Variants in GAN observed in about 807,000 individuals in gnomAD.
The protein encoded by GAN is epididymis secretory sperm binding protein.
A neutral mutation model predicts 71.3 loss-of-function variants in GAN; 48 were observed. The ratio of observed to expected loss-of-function variants is 0.67; its 90% CI spans 0.53 to 0.86. The LOEUF is 0.86. Among genes scored for constraint, GAN ranks in the 40% least tolerant of loss-of-function variants. The probability of loss-of-function intolerance (pLI) is 0.00; values close to 1 mark genes in which losing one functional copy is unlikely to be tolerated. For synonymous variants in GAN, 386 were observed against 276.8 expected, an observed-to-expected ratio of 1.39 and a Z score of -3.92; for missense variants, 928 against 770.1, an observed-to-expected ratio of 1.21 and a Z score of -2.43.
At chr16:81,360,036 TGG>T (rs1236881834) in intron 5 of GAN, among the ~76,000 whole-genome samples, 11 of 131,408 alleles carry the variant, frequency 8.4e-5, no homozygotes, top group Admixed American at 4.8e-4. Flanking sequence ...GATGGATGGA[TGG>T]ATGGATGGAT....
intron 4 of GAN, among the ~76,000 whole-genome samples, 171 bp from the exon 5 acceptor site, chr16:81,357,639 G>A (rs887723708): frequency 1.1e-4 from 16 of 152,170 alleles, no homozygotes; most frequent in African/African-American, 3.6e-4. Flanking sequence ...GGATGGCTGG[G>A]TCAAATGGCA....
chr16:81,361,856 G>A (rs938329338), intron 5 of GAN, among the ~76,000 whole-genome samples: 4 of 152,014 alleles, frequency 2.6e-5, no homozygotes, highest in Admixed American at 6.6e-5. Flanking sequence ...CACAATGCCC[G>A]GCTAATTTCA....
In GAN at chr16:81,389,161, A is replaced by G. The variant is rs956426815; in HGVS notation, c.*11565A>G. 4.2e-4 allele frequency: 64 copies of G among 152,362 alleles called. No individual in the cohort carries two copies. Among genetic ancestry groups the G allele is most frequent in the African/African-American group, 1.4e-3 (59 of 41,588 alleles). The allele number at this position is 152,362 out of a possible 1,614,324, so 9.4% of individuals were successfully genotyped here. On this transcript the variant is annotated 3_prime_UTR_variant, in exon 11 of 11. Transcript: ENST00000648994. ...AAATTGTGTGTTGGGAAATGTATCA[A>G]GTGACCTTCAGTTAAGAAAAGCACA...
At chr16:81,356,488 C>G (rs1027240628) in intron 3 of GAN, among the ~76,000 whole-genome samples, 3 of 152,134 alleles carry the variant, frequency 2.0e-5, no homozygotes, top group African/African-American at 7.2e-5. Context: ...CTTTTCCTGT[C>G]TTTTCCTATT....
chr16:81,337,312 C>T (rs1909796370), intron 1 of GAN, among the ~76,000 whole-genome samples: 1 of 152,134 alleles, frequency 6.6e-6, no homozygotes, highest in African/African-American at 2.4e-5. Context: ...ATGAGTAATG[C>T]CCATGAATCA....
intron 1 of GAN, among the ~76,000 whole-genome samples, chr16:81,334,755 G>A (rs1909699154): frequency 1.3e-5 from 2 of 152,184 alleles, no homozygotes; most frequent in South Asian, 4.1e-4. Context: ...CAACCACTCA[G>A]CCGGTTCATG....
At chr16:81,355,893 T>C (rs1910469562) in intron 3 of GAN, among the ~76,000 whole-genome samples, 2 of 152,226 alleles carry the variant, frequency 1.3e-5, no homozygotes, top group Non-Finnish European at 2.9e-5. Context: ...TTTGTAGTAT[T>C]GGTTTTAATT....
intron 1 of GAN, among the ~76,000 whole-genome samples, chr16:81,328,040 A>G (rs576950851): frequency 6.6e-6 from 1 of 152,364 alleles, no homozygotes; most frequent in South Asian, 2.1e-4. Flanking sequence ...TTGCTGCGTC[A>G]TCGTTTTAAT....
chr16:81,376,784 G>A (rs1394785930), intron 9 of GAN, among the ~76,000 whole-genome samples: 1 of 152,084 alleles, frequency 6.6e-6, no homozygotes, highest in Non-Finnish European at 1.5e-5. Flanking sequence ...AGGCTGGGGT[G>A]GGAGGATCAC....
chr16:81,348,715 T>A (rs1242740680), intron 1 of GAN, among the ~76,000 whole-genome samples: 1 of 152,238 alleles, frequency 6.6e-6, no homozygotes, highest in Non-Finnish European at 1.5e-5. Context: ...TGCAGGAAGC[T>A]CAGAGCCCTA....
rs538030597 is a variant in GAN, at chr16:81,350,724, G to A, written c.168-859G>A. ...AGTAGAGATGGGGTTTCACCATGTT[G>A]GCCAGGCTGGCCTCGAACTCCTGGC... On this transcript the variant is annotated intron_variant, in intron 1 of 10. Coordinates refer to ENST00000648994, the MANE Select transcript of GAN (RefSeq NM_022041.4). Among the ~76,000 whole-genome samples, 73 of 152,206 alleles carry A rather than the reference G, an allele frequency of 4.8e-4. No individual in the cohort carries two copies. The Middle Eastern group carries it at 0.017, about 35-fold the overall frequency.
chr16:81,343,902 TAAAC>T lies in GAN; in HGVS notation c.168-7678_168-7675del, dbSNP rs574226763. ...TCAGCCCAAAATCTTCTTAAGCTGA[TAAAC>T]AACTTCAGCAAAGTCTCAGGATAGA... On this transcript the variant is annotated intron_variant, in intron 1 of 10. Coordinates refer to ENST00000648994, the MANE Select transcript of GAN (RefSeq NM_022041.4). Among the ~76,000 whole-genome samples the T allele has an allele frequency of 2.2e-4, 33 of 152,304 alleles. No individual in the cohort carries two copies. The East Asian group carries it at 5.6e-3, about 26-fold the overall frequency.
intron 1 of GAN, among the ~76,000 whole-genome samples, chr16:81,330,596 G>A (rs1323464856): frequency 2.0e-5 from 3 of 152,210 alleles, no homozygotes; most frequent in African/African-American, 4.8e-5. Flanking sequence ...ATTTCAATTC[G>A]TATATGTAGA....
At chr16:81,351,168 C>A (rs1338700399) in intron 1 of GAN, among the ~76,000 whole-genome samples, 3 of 152,194 alleles carry the variant, frequency 2.0e-5, no homozygotes, top group African/African-American at 7.2e-5. Flanking sequence ...TGGGGAAGAC[C>A]ATCTGGTTAG....
At chr16:81,372,064 C>T (rs1911052047) in intron 9 of GAN, 1 of 152,296 alleles carries the variant, frequency 6.6e-6, no homozygotes, top group African/African-American at 2.4e-5. Context: ...TCCTCTATAG[C>T]TCTCTTCCTC....
In GAN at chr16:81,387,070, A is replaced by G. The variant is rs1290424367; in HGVS notation, c.*9474A>G. The G allele has an allele frequency of 1.3e-5, 2 of 152,254 alleles. No individual in the cohort carries two copies. Among genetic ancestry groups the G allele is most frequent in the Non-Finnish European group, 2.9e-5 (2 of 68,050 alleles). The allele number at this position is 152,254 out of a possible 1,614,324, so 9.4% of individuals were successfully genotyped here. On this transcript the variant is annotated 3_prime_UTR_variant, in exon 11 of 11. Transcript: ENST00000648994. ...TTGGCAAGATCACTTAAGGTGAGCT[A>G]CTCTAGCAGCATCCTGTTTGACATT...
intron 1 of GAN, among the ~76,000 whole-genome samples, chr16:81,331,026 A>C (rs577295585): frequency 6.6e-6 from 1 of 152,254 alleles, no homozygotes; most frequent in African/African-American, 2.4e-5. Flanking sequence ...GTACCATAGC[A>C]AGATCCCATC....
rs762695475 is a variant in GAN, at chr16:81,381,418, A to G, written c.*3822A>G. 2.0e-5 allele frequency: 3 copies of G among 152,238 alleles called. No individual in the cohort carries two copies. The highest frequency in any genetic ancestry group is 4.4e-5 in the Non-Finnish European group (3 of 68,058). 9.4% of individuals were successfully genotyped at this position (152,238 alleles called of 1,614,324 possible). A position where few individuals can be genotyped will look rare whatever the true frequency, so the allele number is the denominator to read the frequency against. On this transcript the variant is annotated 3_prime_UTR_variant, in exon 11 of 11. Coordinates refer to ENST00000648994, the MANE Select transcript of GAN (RefSeq NM_022041.4). ...GCGCTTTGACTGTATCAATTTAAAGATGCCGGAACCCCGTTAAAAACACCT... is the reference window on the plus strand; with the variant it reads ...GCGCTTTGACTGTATCAATTTAAAGGTGCCGGAACCCCGTTAAAAACACCT...
Position 81,388,460 on chromosome 16 carries a change from G to A in GAN, c.*10864G>A, listed in dbSNP as rs368396249. The stretch of plus-strand genomic sequence containing the variant: ...TCCAGGTCAGAACTTGGACCCAGGT[G>A]CCTTCTGAGGCACCGCCAAGGACAC... On this transcript the variant is annotated 3_prime_UTR_variant, in exon 11 of 11. Coordinates refer to ENST00000648994, the MANE Select transcript of GAN (RefSeq NM_022041.4). 4 of 152,490 alleles carry A rather than the reference G, an allele frequency of 2.6e-5. No homozygotes were observed. The highest frequency in any genetic ancestry group is 9.6e-5 in the African/African-American group (4 of 41,578). The allele number at this position is 152,490 out of a possible 1,614,324, so 9.4% of individuals were successfully genotyped here.
Sources: gnomAD v4.1 joint callset for allele counts (sites outside exome capture counted in the v4.1 genomes callset) on GRCh38, gnomAD v4.1.1 for gene constraint, MANE v1.5 for transcripts, NCBI Gene and HGNC (gene_info 2026-07-23, HGNC 2026-07-21) for gene names.